Variants in C16orf87 observed in about 807,000 individuals in gnomAD.
C16orf87 encodes HDAC and MIER1 interacting protein 1.
A neutral mutation model predicts 21.0 loss-of-function variants in C16orf87; 13 were observed. That is an observed-to-expected ratio of 0.62 (90% CI 0.40 to 0.98). The LOEUF (loss-of-function observed/expected upper bound fraction) is 0.98, where lower values mean the gene tolerates loss of function less well. Ranked by LOEUF, C16orf87 falls within the 50% of genes least tolerant of loss-of-function variation. The probability of loss-of-function intolerance (pLI) is 0.00; values close to 1 mark genes in which losing one functional copy is unlikely to be tolerated. For synonymous variants in C16orf87, 49 were observed against 60.2 expected (o/e 0.81, Z 0.86); for missense variants, 113 against 180.4 (o/e 0.63, Z 2.14).
rs1188070919 is a variant in C16orf87 at position 46,801,099 on chromosome 16, A to T, written c.*1853T>A. The T allele has an allele frequency of 6.6e-6, 1 of 152,244 alleles. No homozygotes were observed. The highest frequency in any genetic ancestry group is 1.5e-5 in the Non-Finnish European group (1 of 68,040). 9.4% of individuals were successfully genotyped at this position (152,244 alleles called of 1,614,324 possible). A position where few individuals can be genotyped will look rare whatever the true frequency, so the allele number is the denominator to read the frequency against. On this transcript the variant is annotated 3_prime_UTR_variant, in exon 4 of 4. Transcript: ENST00000285697. ...TTTCTGAGGACATATATATGTATACAAGCATTTTTAGATATTAATCATTTT... is the reference window on the plus strand; with the variant it reads ...TTTCTGAGGACATATATATGTATACTAGCATTTTTAGATATTAATCATTTT...
At chr16:46,831,060 G>A in intron 1 of C16orf87, 24 bp downstream of exon 1, 2 of 1,554,154 alleles carry the variant, frequency 1.3e-6, no homozygotes, top group Non-Finnish European at 1.7e-6. Context: ...CCGCCCGCCC[G>A]CGCGCCCGGC....
chr16:46,821,986 A>G (rs1959432197), intron 2 of C16orf87, among the ~76,000 whole-genome samples: 1 of 152,164 alleles, frequency 6.6e-6, no homozygotes, highest in Non-Finnish European at 1.5e-5. Context: ...AATCTTCTAA[A>G]TTCTTCCCTC....
intron 3 of C16orf87, among the ~76,000 whole-genome samples, chr16:46,805,265 G>A (rs1967895948): frequency 6.6e-6 from 1 of 151,964 alleles, no homozygotes. Flanking sequence ...ACCTCATACT[G>A]GTCCTCTAAA....
At chr16:46,819,291 C>T (rs1292777843) in intron 2 of C16orf87, among the ~76,000 whole-genome samples, 1 of 152,008 alleles carries the variant, frequency 6.6e-6, no homozygotes, top group East Asian at 1.9e-4. Context: ...CGCCATGTTG[C>T]CCAGCCTGGT....
At chr16:46,807,508 A>T (rs997167354) in intron 3 of C16orf87, among the ~76,000 whole-genome samples, 4 of 152,214 alleles carry the variant, frequency 2.6e-5, no homozygotes, top group Non-Finnish European at 1.5e-5. Context: ...CACCTGCTTT[A>T]TAAAGTATTA....
chr16:46,825,550 G>A (rs1596827773), intron 1 of C16orf87, among the ~76,000 whole-genome samples: 1 of 152,248 alleles, frequency 6.6e-6, no homozygotes, highest in East Asian at 1.9e-4. Context: ...AACCCCTCAA[G>A]CATTCTTCCT....
intron 1 of C16orf87, among the ~76,000 whole-genome samples, chr16:46,830,009 A>G (rs1314771076): frequency 6.9e-6 from 1 of 145,412 alleles, no homozygotes; most frequent in Non-Finnish European, 1.5e-5. Context: ...GAAAAGGAAA[A>G]AACACACCCA....
chr16:46,825,249 C>T (rs1959568883), intron 1 of C16orf87, among the ~76,000 whole-genome samples: 4 of 151,904 alleles, frequency 2.6e-5, no homozygotes, highest in African/African-American at 9.7e-5. Context: ...ATAGTGAGAA[C>T]GGAAATGGAA....
At chr16:46,813,751 A>G (rs1968165378) in intron 2 of C16orf87, among the ~76,000 whole-genome samples, 1 of 152,192 alleles carries the variant, frequency 6.6e-6, no homozygotes, top group Admixed American at 6.5e-5. Flanking sequence ...ACGGCTCTTC[A>G]TAAGATAAGC....
rs1184275633 is a variant in C16orf87, at chr16:46,800,819, G to A, written c.*2133C>T. 1.3e-5 allele frequency: 2 copies of A among 152,124 alleles called. No individual in the cohort carries two copies. The highest frequency in any genetic ancestry group is 4.8e-5 in the African/African-American group (2 of 41,434). 9.4% of individuals were successfully genotyped at this position (152,124 alleles called of 1,614,324 possible). On this transcript the variant is annotated 3_prime_UTR_variant, in exon 4 of 4. Transcript: ENST00000285697. Reference sequence around the variant, plus strand: ...ATTTTTTGAAAAATTGGTTAAATAGGTTATGTCACAGAGGAAACCTAATTT... The same window carrying A: ...ATTTTTTGAAAAATTGGTTAAATAGATTATGTCACAGAGGAAACCTAATTT...
chr16:46,825,843 G>C (rs1959594928), intron 1 of C16orf87, among the ~76,000 whole-genome samples: 1 of 151,548 alleles, frequency 6.6e-6, no homozygotes, highest in Admixed American at 6.6e-5. Flanking sequence ...GAACCTGGAA[G>C]GCAGAGGTTG....
At chr16:46,813,710 C>T (rs376584356) in intron 2 of C16orf87, among the ~76,000 whole-genome samples, 3 of 152,102 alleles carry the variant, frequency 2.0e-5, no homozygotes, top group South Asian at 2.1e-4. Context: ...TCTATGTATA[C>T]GCTAATCCTT....
rs1967622259 is a variant in C16orf87 at position 46,796,887 on chromosome 16, CAA to C, written c.*6063_*6064del. The C allele has an allele frequency of 6.6e-6, 1 of 152,074 alleles. No homozygotes were observed. The highest frequency in any genetic ancestry group is 1.5e-5 in the Non-Finnish European group (1 of 68,006). 9.4% of individuals were successfully genotyped at this position (152,074 alleles called of 1,614,324 possible). A position where few individuals can be genotyped will look rare whatever the true frequency, so the allele number is the denominator to read the frequency against. ...TTACACATTTAAGCTCAACAAATCC[CAA>C]AGAGAATAAATTCAAACACCCGGGC... On this transcript the variant is annotated 3_prime_UTR_variant, in exon 4 of 4. Transcript: ENST00000285697.
At chr16:46,804,017 T>C (rs1437051040) in intron 3 of C16orf87, among the ~76,000 whole-genome samples, 1 of 152,204 alleles carries the variant, frequency 6.6e-6, no homozygotes, top group Non-Finnish European at 1.5e-5. Context: ...TTTTCAGTGA[T>C]TACATTATTA....
intron 2 of C16orf87, among the ~76,000 whole-genome samples, chr16:46,817,099 T>G (rs868545258): frequency 6.6e-6 from 1 of 152,126 alleles, no homozygotes; most frequent in Admixed American, 6.5e-5. Context: ...AACATGATCC[T>G]ATAGGCATGC....
At chr16:46,825,740 C>T (rs1320575103) in intron 1 of C16orf87, among the ~76,000 whole-genome samples, 2 of 151,704 alleles carry the variant, frequency 1.3e-5, no homozygotes, top group African/African-American at 2.4e-5. Context: ...GGTGAAACCC[C>T]GTCCCTACTA....
chr16:46,823,938 CAA>C (rs1959518925), intron 2 of C16orf87, among the ~76,000 whole-genome samples: 1 of 152,088 alleles, frequency 6.6e-6, no homozygotes, highest in Non-Finnish European at 1.5e-5. Context: ...GGAGGGATTA[CAA>C]AGGGAACTAG....
At chr16:46,809,902 T>C in intron 2 of C16orf87, 117 bp from the exon 3 acceptor site, 2 of 621,888 alleles carry the variant, frequency 3.2e-6, no homozygotes, top group Non-Finnish European at 5.6e-6. Context: ...CTGGCATATT[T>C]CATAGAACTA....
intron 3 of C16orf87, among the ~76,000 whole-genome samples, chr16:46,806,220 T>G (rs1285068443): frequency 6.6e-6 from 1 of 152,160 alleles, no homozygotes; most frequent in Non-Finnish European, 1.5e-5. Flanking sequence ...GATGTGTTTC[T>G]TCAATCCACA....
Sources: gnomAD v4.1 joint callset for allele counts (sites outside exome capture counted in the v4.1 genomes callset) on GRCh38, gnomAD v4.1.1 for gene constraint, MANE v1.5 for transcripts, NCBI Gene and HGNC (gene_info 2026-07-23, HGNC 2026-07-21) for gene names.